ST6GALNAC3: variants seen among roughly 807,000 people sequenced by gnomAD.
The protein encoded by ST6GALNAC3 is ST6 N-acetylgalactosaminide alpha-2,6-sialyltransferase 3.
Under a neutral mutation model 32.7 loss-of-function variants are expected in ST6GALNAC3, and 25 were observed. That is an observed-to-expected ratio of 0.76 (90% confidence interval 0.56 to 1.07). The LOEUF is 1.07. Ranked by LOEUF, ST6GALNAC3 falls within the 50% of genes least tolerant of loss-of-function variation. ST6GALNAC3 has a pLI of 0.00. For missense variants in ST6GALNAC3, 355 were observed against 382.4 expected, an observed-to-expected ratio of 0.93 and a Z score of 0.60; for synonymous variants, 129 against 133.1, an observed-to-expected ratio of 0.97 and a Z score of 0.21.
chr1:76,272,724 T>C (rs991385509), intron 1 of ST6GALNAC3, among the ~76,000 whole-genome samples: 34 of 152,214 alleles, frequency 2.2e-4, no homozygotes, highest in African/African-American at 7.5e-4. Flanking sequence ...CCCTTGGCTG[T>C]CCCAGCCACC....
chr1:76,510,095 A>C (rs914443998), intron 3 of ST6GALNAC3, among the ~76,000 whole-genome samples: 1 of 152,150 alleles, frequency 6.6e-6, no homozygotes, highest in Non-Finnish European at 1.5e-5. Context: ...GGCACAGTTA[A>C]AACATAGTGG....
intron 1 of ST6GALNAC3, among the ~76,000 whole-genome samples, chr1:76,281,242 G>C (rs1285542702): frequency 6.6e-6 from 1 of 152,038 alleles, no homozygotes; most frequent in African/African-American, 2.4e-5. Context: ...TTTTTTTCTT[G>C]AGTTTGCAAA....
chr1:76,525,795 A>G (rs796815197), intron 3 of ST6GALNAC3, among the ~76,000 whole-genome samples: 1,223 of 46,766 alleles, frequency 0.026, 7 homozygotes, highest in African/African-American at 0.078. Context: ...GTGTGTGTAT[A>G]TATATATATA....
chr1:76,308,655 A>T (rs1379856535), intron 1 of ST6GALNAC3, among the ~76,000 whole-genome samples: 2 of 152,172 alleles, frequency 1.3e-5, no homozygotes, highest in African/African-American at 4.8e-5. Flanking sequence ...CCATAGATGG[A>T]ATACATTTAT....
At chr1:76,463,608 T>G (rs749655142) in intron 3 of ST6GALNAC3, among the ~76,000 whole-genome samples, 11 of 152,128 alleles carry the variant, frequency 7.2e-5, no homozygotes, top group Non-Finnish European at 1.0e-4. Context: ...AGCTAGCCAA[T>G]TGTTGTACCC....
intron 1 of ST6GALNAC3, among the ~76,000 whole-genome samples, chr1:76,281,946 G>A (rs915348768): frequency 2.6e-5 from 4 of 152,116 alleles, no homozygotes; most frequent in East Asian, 1.9e-4. Context: ...CTCAACTGAC[G>A]ATACCAGAGA....
At chr1:76,325,435 T>G (rs2100937320) in intron 2 of ST6GALNAC3, among the ~76,000 whole-genome samples, 1 of 152,286 alleles carries the variant, frequency 6.6e-6, no homozygotes. Flanking sequence ...CAGTTTTTTC[T>G]ATTGCAATGC....
intron 3 of ST6GALNAC3, among the ~76,000 whole-genome samples, chr1:76,417,808 T>A (rs966492747): frequency 1.3e-5 from 2 of 152,132 alleles, no homozygotes; most frequent in African/African-American, 4.8e-5. Flanking sequence ...AATTAGCTGG[T>A]GCCAATGTGG....
At chr1:76,216,175 C>A (rs939836778) in intron 1 of ST6GALNAC3, among the ~76,000 whole-genome samples, 1 of 152,072 alleles carries the variant, frequency 6.6e-6, no homozygotes, top group African/African-American at 2.4e-5. Context: ...TGGACAATTT[C>A]CTCTCATGTT....
chr1:76,506,585 G>A (rs1433966865), intron 3 of ST6GALNAC3, among the ~76,000 whole-genome samples: 1 of 152,198 alleles, frequency 6.6e-6, no homozygotes, highest in African/African-American at 2.4e-5. Flanking sequence ...CATATTGGGG[G>A]ATTTATCTAG....
chr1:76,636,634 A>G (rs192480044), downstream of ST6GALNAC3, among the ~76,000 whole-genome samples: 9 of 152,236 alleles, frequency 5.9e-5, no homozygotes, highest in Admixed American at 5.2e-4. Flanking sequence ...ACTCTTCTTT[A>G]CTTCCCGAGA....
chr1:76,508,771 T>C (rs892239506), intron 3 of ST6GALNAC3, among the ~76,000 whole-genome samples: 12 of 151,442 alleles, frequency 7.9e-5, no homozygotes, highest in Non-Finnish European at 1.8e-4. Flanking sequence ...TTCTCTACAG[T>C]TTTACAGCTA....
At chr1:76,492,942 G>A (rs1409256440) in intron 3 of ST6GALNAC3, among the ~76,000 whole-genome samples, 2 of 151,984 alleles carry the variant, frequency 1.3e-5, no homozygotes, top group Non-Finnish European at 1.5e-5. Flanking sequence ...GACTGCTTAA[G>A]TCATTTCTAA....
intron 1 of ST6GALNAC3, among the ~76,000 whole-genome samples, chr1:76,280,079 AC>A (rs1044248457): frequency 8.7e-5 from 13 of 150,052 alleles, no homozygotes; most frequent in African/African-American, 3.0e-4. Flanking sequence ...TTCTCCCTCC[AC>A]TTCTCCTTCG....
chr1:76,280,141 T>C (rs1165602174), intron 1 of ST6GALNAC3, among the ~76,000 whole-genome samples: 1 of 152,194 alleles, frequency 6.6e-6, no homozygotes, highest in African/African-American at 2.4e-5. Context: ...CCCTGTTCTG[T>C]CCTCTCTTCC....
chr1:76,514,142 C>T (rs1036767526), intron 3 of ST6GALNAC3, among the ~76,000 whole-genome samples: 2 of 152,070 alleles, frequency 1.3e-5, no homozygotes, highest in Non-Finnish European at 2.9e-5. Flanking sequence ...AAATTGCATG[C>T]CTTTTATTTC....
At position 76,231,300 on chromosome 1, in the gene ST6GALNAC3, GT is replaced by G. The variant is rs1354139421; in HGVS notation, c.19-82499del. Among the ~76,000 whole-genome samples, 4 of 152,198 alleles carry G rather than the reference GT, an allele frequency of 2.6e-5. No homozygotes were observed. The East Asian group carries it at 7.7e-4, about 29-fold the overall frequency. On this transcript the variant is annotated intron_variant, in intron 1 of 4. Transcript: ENST00000328299. ...AGAATTATAAACCAAGCAAATGTTTGTTTTTTAAAATTTTTTTTTATTATTT... is the reference window on the plus strand; with the variant it reads ...AGAATTATAAACCAAGCAAATGTTTGTTTTTAAAATTTTTTTTTATTATTT...
In ST6GALNAC3 at chr1:76,631,519, C is replaced by T. The variant is rs1443072997; in HGVS notation, c.*2713C>T. 2.6e-5 allele frequency: 4 copies of T among 151,918 alleles called. No individual in the cohort carries two copies. The highest frequency in any genetic ancestry group is 5.9e-5 in the Non-Finnish European group (4 of 67,948). The allele number at this position is 151,918 out of a possible 1,614,324, so 9.4% of individuals were successfully genotyped here. A position where few individuals can be genotyped will look rare whatever the true frequency, so the allele number is the denominator to read the frequency against. On this transcript the variant is annotated 3_prime_UTR_variant, in exon 5 of 5. Transcript: ENST00000328299. ...TCTATGATTTGCTGATAGAGAAGAG[C>T]TTGGTAAGGGAGCAATTCAAGGAAA...
At chr1:76,314,623 G>A (rs1051721329) in intron 2 of ST6GALNAC3, among the ~76,000 whole-genome samples, 14 of 152,142 alleles carry the variant, frequency 9.2e-5, no homozygotes, top group Admixed American at 3.9e-4. Context: ...CTATGCTAGC[G>A]CTTTTGCAAG....
Sources: gnomAD v4.1 joint callset for allele counts (sites outside exome capture counted in the v4.1 genomes callset) on GRCh38, gnomAD v4.1.1 for gene constraint, MANE v1.5 for transcripts, NCBI Gene and HGNC (gene_info 2026-07-23, HGNC 2026-07-21) for gene names.